HMG20A: variants seen among roughly 807,000 people sequenced by gnomAD.
HMG20A encodes high mobility group protein 20A.
A neutral mutation model predicts 43.9 loss-of-function variants in HMG20A; 17 were observed. The ratio of observed to expected loss-of-function variants is 0.39; its 90% CI spans 0.27 to 0.58. The LOEUF is 0.58. HMG20A is among the 20% of genes least tolerant of loss of function. The pLI is 0.59. For missense variants in HMG20A, 341 were observed against 438.2 expected, an observed-to-expected ratio of 0.78 and a Z score of 1.98; for synonymous variants, 132 against 147.5, an observed-to-expected ratio of 0.89 and a Z score of 0.76.
chr15:77,511,796 C>T, the HMG20A span, among the ~76,000 whole-genome samples: 1 of 152,150 alleles, frequency 6.6e-6, no homozygotes, highest in Non-Finnish European at 1.5e-5. Flanking sequence ...AACCCTTGGG[C>T]ACTGGGTTGG....
intron 4 of HMG20A, among the ~76,000 whole-genome samples, chr15:77,468,525 A>G (rs1250306154): frequency 2.0e-5 from 3 of 152,010 alleles, no homozygotes; most frequent in African/African-American, 7.3e-5. Context: ...CCATTTGCAT[A>G]TGCACTTATA....
chr15:77,481,961 G>A (rs1007393916), intron 9 of HMG20A: 3 of 152,202 alleles, frequency 2.0e-5, no homozygotes, highest in Non-Finnish European at 2.9e-5. Flanking sequence ...TGAGTGAAGG[G>A]AAGCTAATGG....
chr15:77,488,757 G>T (rs1306263888), downstream of HMG20A, among the ~76,000 whole-genome samples: 1 of 152,020 alleles, frequency 6.6e-6, no homozygotes, highest in Non-Finnish European at 1.5e-5. Context: ...TCAGTAAGTT[G>T]GTCAAAAACA....
rs565162311 is a variant in HMG20A at position 77,454,039 on chromosome 15, G to A, written c.-4-4365G>A. Among the ~76,000 whole-genome samples, 6 of 151,634 alleles carry A rather than the reference G, an allele frequency of 4.0e-5. No individual in the cohort carries two copies. In the South Asian group the frequency reaches 6.2e-4, roughly 16 times the overall value. On this transcript the variant is annotated intron_variant, in intron 1 of 9. Transcript: ENST00000336216. The stretch of plus-strand genomic sequence containing the variant: ...AAAAAAAATTAAAAATTAGCCAGGC[G>A]TGGTCCTAGCTACTCAGGAGGCTGA...
chr15:77,481,040 T>C (rs1445287771), intron 9 of HMG20A, among the ~76,000 whole-genome samples: 11 of 152,234 alleles, frequency 7.2e-5, no homozygotes. Context: ...TGTGAGTACA[T>C]GAGCACACTC....
At chr15:77,503,712 C>T in the HMG20A span, among the ~76,000 whole-genome samples, 1 of 152,228 alleles carries the variant, frequency 6.6e-6, no homozygotes, top group African/African-American at 2.4e-5. Flanking sequence ...GGTGCTCCCT[C>T]GGATCGTAAT....
intron 1 of HMG20A, among the ~76,000 whole-genome samples, chr15:77,426,157 A>C (rs1449502045): frequency 6.6e-6 from 1 of 152,208 alleles, no homozygotes. Context: ...AAAATGTGCC[A>C]GAATTAGATA....
chr15:77,514,939 G>A, the HMG20A span, among the ~76,000 whole-genome samples: 6 of 152,192 alleles, frequency 3.9e-5, no homozygotes, highest in East Asian at 1.9e-4. Flanking sequence ...ATGATAAATC[G>A]TAGGTGGGGC....
At chr15:77,480,575 G>A (rs1204543077) in intron 9 of HMG20A, among the ~76,000 whole-genome samples, 1 of 147,324 alleles carries the variant, frequency 6.8e-6, no homozygotes, top group Non-Finnish European at 1.5e-5. Flanking sequence ...TCACACTAGT[G>A]TATTCTAGCC....
chr15:77,474,340 G>C (rs2072836648), intron 6 of HMG20A, among the ~76,000 whole-genome samples: 1 of 152,178 alleles, frequency 6.6e-6, no homozygotes, highest in African/African-American at 2.4e-5. Flanking sequence ...CTGAGACTCA[G>C]TGATCCTCTC....
chr15:77,463,479 A>G (rs1010292504), intron 2 of HMG20A, among the ~76,000 whole-genome samples: 4 of 152,118 alleles, frequency 2.6e-5, no homozygotes, highest in Admixed American at 2.0e-4. Context: ...CTCGATCAAA[A>G]ACAAAAACAA....
At chr15:77,450,069 G>A (rs1243809489) in intron 1 of HMG20A, among the ~76,000 whole-genome samples, 1 of 152,058 alleles carries the variant, frequency 6.6e-6, no homozygotes, top group African/African-American at 2.4e-5. Flanking sequence ...TATCCAAAAT[G>A]CCTGGGACCA....
chr15:77,482,294 A>C (rs2072911628), intron 9 of HMG20A: 1 of 152,198 alleles, frequency 6.6e-6, no homozygotes, highest in Non-Finnish European at 1.5e-5. Flanking sequence ...TTTTAAAATT[A>C]TTTTGATAAA....
the HMG20A span, among the ~76,000 whole-genome samples, chr15:77,491,377 G>A: frequency 1.3e-5 from 2 of 152,168 alleles, no homozygotes; most frequent in African/African-American, 2.4e-5. Flanking sequence ...TCTTGGGGCC[G>A]GTGGATTTTT....
intron 2 of HMG20A, 69 bp downstream of exon 2, chr15:77,458,565 G>T (rs552285831): frequency 1.6e-5 from 17 of 1,053,044 alleles, no homozygotes; most frequent in Admixed American, 4.1e-5. Flanking sequence ...CAAAGTAAGA[G>T]GTCCTAAAGA....
At chr15:77,467,062 GT>G in intron 3 of HMG20A, 32 bp from the exon 4 acceptor site, 1 of 1,569,898 alleles carries the variant, frequency 6.4e-7, no homozygotes, top group Non-Finnish European at 8.7e-7. Context: ...TTGTTGTTTG[GT>G]TTTTGGTTTT....
the HMG20A span, among the ~76,000 whole-genome samples, chr15:77,510,935 C>G: frequency 6.6e-6 from 1 of 152,238 alleles, no homozygotes; most frequent in Non-Finnish European, 1.5e-5. Context: ...TCCTTCCTTC[C>G]TGAATAATTG....
the HMG20A span, among the ~76,000 whole-genome samples, chr15:77,497,682 A>AGAGAGAGAGAGTGTGT: frequency 5.4e-4 from 64 of 118,976 alleles, no homozygotes; most frequent in African/African-American, 2.0e-3. Flanking sequence ...AGAGAGAGAG[A>AGAGAGAGAGAGTGTGT]GTGTGTGTGT....
At chr15:77,490,157 G>A (rs370689564), downstream of HMG20A, among the ~76,000 whole-genome samples, 53 of 152,138 alleles carry the variant, frequency 3.5e-4, no homozygotes, top group Admixed American at 2.5e-3. Context: ...ACGTGGTGGC[G>A]CGCATCTGTA....
Sources: allele counts gnomAD v4.1 joint callset (sites outside exome capture counted in the v4.1 genomes callset), GRCh38; gene constraint gnomAD v4.1.1; transcripts MANE v1.5; gene names NCBI Gene and HGNC (gene_info 2026-07-23, HGNC 2026-07-21).